Variants in CMIP observed in about 807,000 individuals in gnomAD.
CMIP encodes the protein c-Maf inducing protein.
CMIP carries 13 observed loss-of-function variants against 97.3 expected under a neutral mutation model. The ratio of observed to expected loss-of-function variants is 0.13; its 90% confidence interval spans 0.09 to 0.21. The LOEUF is 0.21. CMIP is among the 10% of genes least tolerant of loss of function. CMIP has a pLI of 1.00. For missense variants in CMIP, 847 were observed against 1,024.9 expected (o/e 0.83, Z 2.37); for synonymous variants, 538 against 436.3 (o/e 1.23, Z -2.91).
Position 81,453,506 on chromosome 16 carries a change from C to T in CMIP, c.300+7965C>T, listed in dbSNP as rs1906361315. 6.6e-6 allele frequency among the ~76,000 whole-genome samples: 1 copy of T among 152,196 alleles called. No homozygotes were observed. On this transcript the variant is annotated intron_variant, in intron 1 of 20. Transcript: ENST00000537098. The surrounding 1 kb of genome is among the most constrained non-coding windows in gnomAD (Gnocchi z 4.0). Reference sequence around the variant, plus strand: ...GGTCCAGGATATCTGAAAATTGGAGCACACAGTCTGAGCAGACCCAGGCCT... The same window carrying T: ...GGTCCAGGATATCTGAAAATTGGAGTACACAGTCTGAGCAGACCCAGGCCT...
chr16:81,706,055 C>T (rs1597280623), intron 19 of CMIP, among the ~76,000 whole-genome samples: 2 of 152,166 alleles, frequency 1.3e-5, no homozygotes, highest in Non-Finnish European at 2.9e-5. Flanking sequence ...CTCCCGTGCC[C>T]GTTGACATTT....
At chr16:81,535,235 C>T (rs983829302) in intron 1 of CMIP, among the ~76,000 whole-genome samples, 5 of 152,164 alleles carry the variant, frequency 3.3e-5, no homozygotes, top group Non-Finnish European at 7.3e-5. Context: ...CAGGTGTGAG[C>T]CACCACGTGG....
chr16:81,697,816 C>T (rs1906915865), intron 14 of CMIP: 1 of 152,270 alleles, frequency 6.6e-6, no homozygotes, highest in Non-Finnish European at 1.5e-5. Flanking sequence ...ATTTTTAGGC[C>T]CTTTGCCTCA....
intron 1 of CMIP, among the ~76,000 whole-genome samples, chr16:81,531,489 A>T (rs1462801576): frequency 1.3e-5 from 2 of 152,162 alleles, no homozygotes; most frequent in African/African-American, 4.8e-5. Context: ...TCCAGTCTCG[A>T]TTCTACGACC....
chr16:81,457,799 T>C (rs1451131494), intron 1 of CMIP, among the ~76,000 whole-genome samples: 1 of 152,228 alleles, frequency 6.6e-6, no homozygotes, highest in East Asian at 1.9e-4. Flanking sequence ...TGAAAAACAA[T>C]GTGGGGGCCT....
chr16:81,679,110 G>T (rs1904600997), intron 10 of CMIP, among the ~76,000 whole-genome samples: 1 of 152,234 alleles, frequency 6.6e-6, no homozygotes, highest in African/African-American at 2.4e-5. Context: ...TGTTGGGTGT[G>T]TGGGATCCTT....
intron 9 of CMIP, among the ~76,000 whole-genome samples, chr16:81,674,128 G>A (rs368449072): frequency 6.6e-6 from 1 of 152,164 alleles, no homozygotes; most frequent in Non-Finnish European, 1.5e-5. Flanking sequence ...GTTCAAAGGG[G>A]ATCATGTCCC....
At chr16:81,519,700 C>T (rs2089983493) in intron 1 of CMIP, 1 of 152,230 alleles carries the variant, frequency 6.6e-6, no homozygotes, top group African/African-American at 2.4e-5. Flanking sequence ...CAGGATAAAA[C>T]ACATGAAACA....
chr16:81,626,512 TGTG>T (rs2092067351), intron 3 of CMIP, among the ~76,000 whole-genome samples: 1 of 147,030 alleles, frequency 6.8e-6, no homozygotes, highest in Non-Finnish European at 1.5e-5. Flanking sequence ...TGACTGAGCA[TGTG>T]TGTGTGTGGT....
At chr16:81,629,608 C>T (rs1380092575) in intron 3 of CMIP, among the ~76,000 whole-genome samples, 1 of 152,260 alleles carries the variant, frequency 6.6e-6, no homozygotes, top group Non-Finnish European at 1.5e-5. Flanking sequence ...GCACCCCCAG[C>T]TCCTGCCAGT....
At chr16:81,622,328 G>A (rs1295737402) in intron 3 of CMIP, 2 of 152,242 alleles carry the variant, frequency 1.3e-5, no homozygotes, top group African/African-American at 4.8e-5. Flanking sequence ...ACCTGCTCGT[G>A]TGATCAGCAG....
Position 81,691,663 on chromosome 16 carries a change from C to G in CMIP, c.1389-112C>G. On this transcript the variant is annotated intron_variant, in intron 10 of 20. Transcript: ENST00000537098. ...GAAGTGGGTGGAGAAGTCAGTGCCA[C>G]TGACTACCTGCCAGGCTCTCACCCC... The G allele has an allele frequency of 3.7e-6, 3 of 809,088 alleles. No homozygotes were observed. In the Admixed American group the frequency reaches 6.0e-5, roughly 16 times the overall value. The allele number at this position is 809,088 out of a possible 1,614,324, so 50.1% of individuals were successfully genotyped here.
In CMIP at chr16:81,672,021, G is replaced by T. The variant is rs1192316013; in HGVS notation, c.985G>T (p.Ala329Ser). 2 of 1,606,532 alleles carry T rather than the reference G, an allele frequency of 1.2e-6. No individual in the cohort carries two copies. Among genetic ancestry groups the T allele is most frequent in the East Asian group, 4.5e-5 (2 of 44,650 alleles). ...PHPRVLPNLV[A>S]VCLAAIYSCY... ...CCCCCGGGTCCTGCCCAACCTGGTG[G>T]CCGTGTGCCTGGCTGCCATCTACTC... Residue 329 changes from alanine (A) to serine (S), a missense_variant, in exon 9 of 21, where the codon GCC becomes TCC. Physicochemically the swap from Ala to Ser is moderately conservative, Grantham distance 99. Coordinates refer to ENST00000537098, the MANE Select transcript of CMIP (RefSeq NM_198390.3).
At chr16:81,609,842 C>G (rs187929364) in intron 2 of CMIP, among the ~76,000 whole-genome samples, 1 of 152,200 alleles carries the variant, frequency 6.6e-6, no homozygotes, top group Non-Finnish European at 1.5e-5. Context: ...GTGGATATGT[C>G]TAGATCTGTT....
At chr16:81,630,294 T>C (rs2092137851) in intron 3 of CMIP, 1 of 152,262 alleles carries the variant, frequency 6.6e-6, no homozygotes, top group Non-Finnish European at 1.5e-5. Flanking sequence ...CGGAGGATGC[T>C]AGGAGACGGG....
At chr16:81,667,864 A>AT (rs1276946286) in intron 7 of CMIP, among the ~76,000 whole-genome samples, 1 of 137,862 alleles carries the variant, frequency 7.3e-6, no homozygotes, top group Non-Finnish European at 1.5e-5. Context: ...CAGTGCGTGC[A>AT]TTTTTCTGAA....
chr16:81,708,277 G>T (rs1567679115), intron 20 of CMIP, among the ~76,000 whole-genome samples: 1 of 152,238 alleles, frequency 6.6e-6, no homozygotes, highest in Non-Finnish European at 1.5e-5. Context: ...CCCTCAGGGT[G>T]GCGTCTGCAG....
intron 3 of CMIP, among the ~76,000 whole-genome samples, chr16:81,640,203 C>T (rs368085441): frequency 4.0e-5 from 6 of 151,684 alleles, no homozygotes; most frequent in African/African-American, 9.7e-5. Context: ...CTTATGCAAT[C>T]GGGTAATGGG....
intron 1 of CMIP, among the ~76,000 whole-genome samples, chr16:81,520,903 G>A (rs2090012153): frequency 6.6e-6 from 1 of 152,172 alleles, no homozygotes; most frequent in African/African-American, 2.4e-5. Flanking sequence ...GTCTCCCGTA[G>A]GAGCTGCTGT....
Sources: allele counts gnomAD v4.1 joint callset (sites outside exome capture counted in the v4.1 genomes callset), GRCh38; gene constraint gnomAD v4.1.1; non-coding constraint Gnocchi (gnomAD v3.1); transcripts MANE v1.5; gene names NCBI Gene and HGNC (gene_info 2026-07-23, HGNC 2026-07-21).